EPS8: variants seen among roughly 807,000 people sequenced by gnomAD.
The protein encoded by EPS8 is EGFR pathway substrate 8, signaling adaptor, also known as epidermal growth factor receptor kinase substrate 8.
A neutral mutation model predicts 103.8 loss-of-function variants in EPS8; 42 were observed. That is an observed-to-expected ratio of 0.40 (90% CI 0.32 to 0.52). The LOEUF (loss-of-function observed/expected upper bound fraction) is 0.52. EPS8 is among the 20% of genes least tolerant of loss of function. The probability of loss-of-function intolerance (pLI) is 0.40; values close to 1 mark genes in which losing one functional copy is unlikely to be tolerated. For missense variants in EPS8, 969 were observed against 1,005.1 expected (o/e 0.96, Z 0.49); for synonymous variants, 344 against 344.6 (o/e 1.00, Z 0.02).
Position 15,785,750 on chromosome 12 carries a change from C to T in EPS8, c.-22+3411G>A, listed in dbSNP as rs907453109. Among the ~76,000 whole-genome samples the T allele has an allele frequency of 6.6e-6, 1 of 151,930 alleles. No individual in the cohort carries two copies. The highest frequency in any genetic ancestry group is 2.4e-5 in the African/African-American group (1 of 41,356). On this transcript the variant is annotated intron_variant, in intron 1 of 20. Coordinates refer to ENST00000281172, the MANE Select transcript of EPS8 (RefSeq NM_004447.6). The surrounding 1 kb of genome is among the most constrained non-coding windows in gnomAD (Gnocchi z 4.9). ...TTCTAGGACTGTGGCAAGATGTATA[C>T]AGATGAACCTAGAGCATCTCATAAT...
At chr12:15,699,080 C>T (rs1181633149) in intron 1 of EPS8, among the ~76,000 whole-genome samples, 2 of 152,210 alleles carry the variant, frequency 1.3e-5, no homozygotes, top group African/African-American at 2.4e-5. Flanking sequence ...GCAAACCTTA[C>T]AGAAAACTGC....
In EPS8 at chr12:15,733,514, T is replaced by A. The variant is rs987658039; in HGVS notation, c.-21-50542A>T. On this transcript the variant is annotated intron_variant, in intron 1 of 20. Transcript: ENST00000281172. This position sits in a 1 kb window ranked among gnomAD's most constrained non-coding sequence, Gnocchi z 4.8. ...ATCATATTGTTCATTAAATAGTATC[T>A]TGGCACCTTTAAAAAGCCTAGATAT... Among the ~76,000 whole-genome samples the A allele has an allele frequency of 1.3e-5, 2 of 152,096 alleles. No homozygotes were observed. The highest frequency in any genetic ancestry group is 2.4e-5 in the African/African-American group (1 of 41,420).
chr12:15,629,607 A>T (rs1945008442), intron 18 of EPS8, among the ~76,000 whole-genome samples: 1 of 152,202 alleles, frequency 6.6e-6, no homozygotes, highest in African/African-American at 2.4e-5. Context: ...GGTTCTACAC[A>T]CTCACGCACA....
rs897751537 is a variant in EPS8 at position 15,690,673 on chromosome 12, C to T, written c.-21-7701G>A. Among the ~76,000 whole-genome samples, 1 of 152,094 alleles carries T rather than the reference C, an allele frequency of 6.6e-6. No homozygotes were observed. Among genetic ancestry groups the T allele is most frequent in the Non-Finnish European group, 1.5e-5 (1 of 68,016 alleles). On this transcript the variant is annotated intron_variant, in intron 1 of 20. Coordinates refer to ENST00000281172, the MANE Select transcript of EPS8 (RefSeq NM_004447.6). This position sits in a 1 kb window ranked among gnomAD's most constrained non-coding sequence, Gnocchi z 4.7. Reference sequence around the variant, plus strand: ...AATGTAATTGCTTTCTAACAGAATACGTTGTATACTTTTCTAGGTATCAGA... The same window carrying T: ...AATGTAATTGCTTTCTAACAGAATATGTTGTATACTTTTCTAGGTATCAGA...
intron 1 of EPS8, among the ~76,000 whole-genome samples, chr12:15,739,566 C>T (rs1054874801): frequency 6.6e-6 from 1 of 152,082 alleles, no homozygotes. Context: ...CCCTTCTTCT[C>T]CCGACCTTGG....
At chr12:15,678,968 T>G (rs2135878227) in intron 3 of EPS8, among the ~76,000 whole-genome samples, 1 of 151,986 alleles carries the variant, frequency 6.6e-6, no homozygotes, top group African/African-American at 2.4e-5. Context: ...ATCTAAGATT[T>G]TACAAAGTTG....
In EPS8 at chr12:15,738,766, G is replaced by A. The variant is rs1203231014; in HGVS notation, c.-22+50395C>T. 6.6e-6 allele frequency among the ~76,000 whole-genome samples: 1 copy of A among 151,968 alleles called. No individual in the cohort carries two copies. The highest frequency in any genetic ancestry group is 2.4e-5 in the African/African-American group (1 of 41,364). On this transcript the variant is annotated intron_variant, in intron 1 of 20. Coordinates refer to ENST00000281172, the MANE Select transcript of EPS8 (RefSeq NM_004447.6). The surrounding 1 kb of genome is among the most constrained non-coding windows in gnomAD (Gnocchi z 6.2). ...TGGTTTTTTTTTTGTAATACCAGCA[G>A]CTACAAAGTCCTGGCAATAGCAGGT...
chr12:15,686,245 GCTTA>G (rs1946093703), intron 1 of EPS8, among the ~76,000 whole-genome samples: 1 of 152,038 alleles, frequency 6.6e-6, no homozygotes, highest in South Asian at 2.1e-4. Flanking sequence ...ATTTTCTCTA[GCTTA>G]CTTTATTTTA....
intron 6 of EPS8, among the ~76,000 whole-genome samples, chr12:15,667,334 T>C (rs1216834782): frequency 6.6e-6 from 1 of 152,146 alleles, no homozygotes; most frequent in Admixed American, 6.6e-5. Flanking sequence ...CATCAGTTCC[T>C]TCTAATTAAT....
At chr12:15,756,812 C>G (rs1946990706) in intron 1 of EPS8, among the ~76,000 whole-genome samples, 1 of 152,112 alleles carries the variant, frequency 6.6e-6, no homozygotes, top group Non-Finnish European at 1.5e-5. Context: ...AGTCAAACCC[C>G]TAAACTACAG....
rs546192444 is a variant in EPS8, at chr12:15,712,215, C to A, written c.-21-29243G>T. Among the ~76,000 whole-genome samples, 24 of 151,940 alleles carry A rather than the reference C, an allele frequency of 1.6e-4. No homozygotes were observed. In the East Asian group the frequency reaches 4.3e-3, roughly 27 times the overall value. On this transcript the variant is annotated intron_variant, in intron 1 of 20. Transcript: ENST00000281172. The stretch of plus-strand genomic sequence containing the variant: ...CATTAATTGACTATTTAAACATTTA[C>A]AAGTTCCATTAATATACATGGGCTT...
chr12:15,690,895 T>A lies in EPS8; in HGVS notation c.-21-7923A>T, dbSNP rs374077896. On this transcript the variant is annotated intron_variant, in intron 1 of 20. Coordinates refer to ENST00000281172, the MANE Select transcript of EPS8 (RefSeq NM_004447.6). The surrounding 1 kb of genome is among the most constrained non-coding windows in gnomAD (Gnocchi z 4.7). ...TCTTCAAGAATAGAGGCAGTCCTAA[T>A]AGGCTGCTAGAAAGTGATGCAATAA... is the stretch of plus-strand genomic sequence containing the variant. Among the ~76,000 whole-genome samples the A allele has an allele frequency of 6.6e-6, 1 of 152,078 alleles. No homozygotes were observed. The highest frequency in any genetic ancestry group is 2.4e-5 in the African/African-American group (1 of 41,400).
At chr12:15,766,118 A>C (rs1947092817) in intron 1 of EPS8, among the ~76,000 whole-genome samples, 1 of 151,706 alleles carries the variant, frequency 6.6e-6, no homozygotes, top group Admixed American at 6.6e-5. Flanking sequence ...ACCGGCCTAA[A>C]AGTTTTAACA....
At chr12:15,636,518 T>C (rs2135743275) in intron 17 of EPS8, among the ~76,000 whole-genome samples, 1 of 152,328 alleles carries the variant, frequency 6.6e-6, no homozygotes, top group Non-Finnish European at 1.5e-5. Flanking sequence ...ATTCAACACC[T>C]ATTCACTGCC....
rs1375939199 is a variant in EPS8, at chr12:15,658,591, G to A, written c.938-6C>T. 1 of 1,596,208 alleles carries A rather than the reference G, an allele frequency of 6.3e-7. No homozygotes were observed. Among genetic ancestry groups the A allele is most frequent in the Non-Finnish European group, 8.6e-7 (1 of 1,164,278 alleles). ...CCGCAGCGTTAAAACACCCTCTAAT[G>A]AAATAAGCGAGAGGAGAGGATCAGA... On this transcript the variant is annotated splice_region_variant and splice_polypyrimidine_tract_variant and intron_variant, in intron 10 of 20. Transcript: ENST00000281172.
intron 18 of EPS8, among the ~76,000 whole-genome samples, chr12:15,626,731 C>T (rs1162319651): frequency 6.6e-6 from 1 of 152,010 alleles, no homozygotes; most frequent in Non-Finnish European, 1.5e-5. Context: ...CCTACAAGAC[C>T]TCCACCACTC....
chr12:15,635,598 C>G (rs1202949743), intron 17 of EPS8, among the ~76,000 whole-genome samples: 1 of 152,038 alleles, frequency 6.6e-6, no homozygotes, highest in Non-Finnish European at 1.5e-5. Context: ...GTAGTGTTAG[C>G]GGTTTAGTAG....
At chr12:15,708,799 T>C (rs1321875210) in intron 1 of EPS8, among the ~76,000 whole-genome samples, 1 of 152,256 alleles carries the variant, frequency 6.6e-6, no homozygotes, top group African/African-American at 2.4e-5. Context: ...GAAAATGTTA[T>C]CTGAGTTAGA....
chr12:15,785,377 T>C lies in EPS8; in HGVS notation c.-22+3784A>G, dbSNP rs887909615. ...TTCCAATGCTGCTATACATCTATGA[T>C]AGAAATGAATGATTAAGCAAATGTA... On this transcript the variant is annotated intron_variant, in intron 1 of 20. Coordinates refer to ENST00000281172, the MANE Select transcript of EPS8 (RefSeq NM_004447.6). This position sits in a 1 kb window ranked among gnomAD's most constrained non-coding sequence, Gnocchi z 4.9. Among the ~76,000 whole-genome samples, 4 of 152,072 alleles carry C rather than the reference T, an allele frequency of 2.6e-5. No homozygotes were observed. Among genetic ancestry groups the C allele is most frequent in the African/African-American group, 4.8e-5 (2 of 41,424 alleles).
Sources: gnomAD v4.1 joint callset for allele counts (sites outside exome capture counted in the v4.1 genomes callset) on GRCh38, gnomAD v4.1.1 for gene constraint, Gnocchi (gnomAD v3.1) non-coding constraint, MANE v1.5 for transcripts, NCBI Gene and HGNC (gene_info 2026-07-23, HGNC 2026-07-21) for gene names.